The following CEP112 variants were observed in gnomAD, a reference collection of about 807,000 sequenced individuals.
The protein encoded by CEP112 is centrosomal protein 112.
CEP112 carries 127 observed loss-of-function variants against 153.0 expected under a neutral mutation model. The observed-to-expected ratio is 0.83, with a 90% CI of 0.72 to 0.96. The LOEUF is 0.96. CEP112 is among the 40% of genes least tolerant of loss of function. The pLI, the probability that CEP112 is intolerant of heterozygous loss-of-function variation, is 0.00. For missense variants in CEP112, 1,089 were observed against 1,101.2 expected (o/e 0.99, Z 0.16); for synonymous variants, 358 against 374.4 (o/e 0.96, Z 0.51).
chr17:65,970,717 G>A (rs942106117), intron 17 of CEP112, among the ~76,000 whole-genome samples: 3 of 89,158 alleles, frequency 3.4e-5, no homozygotes, highest in Admixed American at 1.5e-4. Context: ...CACATGACAT[G>A]TGCCTTTATC....
Position 66,079,892 on chromosome 17 carries a change from A to G in CEP112, c.769-9891T>C, listed in dbSNP as rs534989222. Among the ~76,000 whole-genome samples, 14 of 152,286 alleles carry G rather than the reference A, an allele frequency of 9.2e-5. No individual in the cohort carries two copies. The South Asian group carries it at 2.5e-3, about 27-fold the overall frequency. On this transcript the variant is annotated intron_variant, in intron 8 of 26. Coordinates refer to ENST00000535342, the MANE Select transcript of CEP112 (RefSeq NM_001199165.4). ...CATCTGATCTTTGACAAACCCGAAA[A>G]AAACAAACAATGGGGAAAGGATTCC...
chr17:65,976,745 T>TTC (rs2063050311), intron 17 of CEP112, among the ~76,000 whole-genome samples: 1 of 146,556 alleles, frequency 6.8e-6, no homozygotes, highest in Admixed American at 6.8e-5. Flanking sequence ...CTTTTTTTTT[T>TTC]TTTTTTTTTG....
At chr17:65,903,907 T>C (rs1213650672) in intron 19 of CEP112, among the ~76,000 whole-genome samples, 2 of 152,154 alleles carry the variant, frequency 1.3e-5, no homozygotes, top group Non-Finnish European at 2.9e-5. Flanking sequence ...TTGATAAAAT[T>C]CAACATCCCT....
intron 4 of CEP112, among the ~76,000 whole-genome samples, chr17:66,149,292 T>C (rs544308968): frequency 1.3e-5 from 2 of 152,332 alleles, no homozygotes; most frequent in East Asian, 1.9e-4. Flanking sequence ...GGCCTATAGT[T>C]TTCTTTCCTT....
chr17:66,044,783 T>C (rs2066132227), intron 12 of CEP112, among the ~76,000 whole-genome samples: 1 of 152,162 alleles, frequency 6.6e-6, no homozygotes, highest in Non-Finnish European at 1.5e-5. Flanking sequence ...GTAGTGATAG[T>C]TGCACTACAG....
intron 20 of CEP112, among the ~76,000 whole-genome samples, chr17:65,869,497 C>T (rs1269162921): frequency 6.6e-6 from 1 of 151,944 alleles, no homozygotes; most frequent in Non-Finnish European, 1.5e-5. Context: ...AAGTGTGGCA[C>T]CTTTGTTCAC....
chr17:65,688,512 C>T (rs2047929508), intron 24 of CEP112: 1 of 152,366 alleles, frequency 6.6e-6, no homozygotes, highest in African/African-American at 2.4e-5. Context: ...TTTCCTTACT[C>T]ATTAGGCCCT....
chr17:65,895,513 A>T (rs2143331538), intron 20 of CEP112, among the ~76,000 whole-genome samples: 1 of 152,240 alleles, frequency 6.6e-6, no homozygotes, highest in East Asian at 1.9e-4. Context: ...AAGAAATGCA[A>T]ACTGCTATGA....
intron 21 of CEP112, among the ~76,000 whole-genome samples, chr17:65,802,868 T>C (rs975494457): frequency 2.6e-5 from 4 of 152,200 alleles, no homozygotes; most frequent in African/African-American, 9.6e-5. Flanking sequence ...CTTTTCCCTA[T>C]ATAGTGTCGA....
chr17:65,880,183 T>C (rs2059010773), intron 20 of CEP112, among the ~76,000 whole-genome samples: 1 of 152,232 alleles, frequency 6.6e-6, no homozygotes, highest in Non-Finnish European at 1.5e-5. Flanking sequence ...TTATATCTAG[T>C]TATTTTGCCT....
intron 21 of CEP112, among the ~76,000 whole-genome samples, chr17:65,788,648 A>G (rs2145702962): frequency 6.6e-6 from 1 of 152,124 alleles, no homozygotes; most frequent in South Asian, 2.1e-4. Flanking sequence ...TCTTATCCAG[A>G]TTTTCAATTT....
intron 20 of CEP112, among the ~76,000 whole-genome samples, chr17:65,897,322 C>G (rs559252804): frequency 2.0e-5 from 3 of 152,164 alleles, no homozygotes; most frequent in South Asian, 2.1e-4. Context: ...TGATGAAATA[C>G]TATTTTGGTT....
intron 6 of CEP112, among the ~76,000 whole-genome samples, chr17:66,101,725 T>C (rs1413880608): frequency 1.3e-5 from 2 of 152,074 alleles, no homozygotes; most frequent in African/African-American, 4.8e-5. Flanking sequence ...TATTGATTAG[T>C]CCAGTTAAAT....
At chr17:66,043,777 T>C (rs1461693951) in intron 12 of CEP112, among the ~76,000 whole-genome samples, 1 of 152,192 alleles carries the variant, frequency 6.6e-6, no homozygotes, top group Non-Finnish European at 1.5e-5. Flanking sequence ...AATACCAAAA[T>C]GCGTAAGTCT....
At chr17:66,143,315 T>A (rs2070784620) in intron 4 of CEP112, among the ~76,000 whole-genome samples, 1 of 152,206 alleles carries the variant, frequency 6.6e-6, no homozygotes, top group African/African-American at 2.4e-5. Context: ...AAAGATCAAA[T>A]CCAAGGTTTT....
In CEP112 at chr17:65,689,186, A is replaced by AT; in HGVS notation, c.2639dup (p.Asn880LysfsTer29). The AT allele has an allele frequency of 6.2e-7, 1 of 1,613,586 alleles. No individual in the cohort carries two copies. The highest frequency in any genetic ancestry group is 8.5e-7 in the Non-Finnish European group (1 of 1,179,554). Reference sequence around the variant, plus strand: ...ATTTTTTCTCTGCACATCGCACCTGATTAGAACGGTTTTCTAATTCATCTT... The same window carrying AT: ...ATTTTTTCTCTGCACATCGCACCTGATTTAGAACGGTTTTCTAATTCATCTT... On this transcript the variant is annotated frameshift_variant, in exon 24 of 27. Transcript: ENST00000535342. LOFTEE classifies it high-confidence loss of function.
At chr17:65,881,958 T>C (rs1046555817) in intron 20 of CEP112, among the ~76,000 whole-genome samples, 1 of 152,128 alleles carries the variant, frequency 6.6e-6, no homozygotes, top group African/African-American at 2.4e-5. Flanking sequence ...TTGTGGTAGC[T>C]TTTAGCAAAG....
chr17:66,051,146 ATT>A (rs55855547), intron 12 of CEP112, among the ~76,000 whole-genome samples: 60,395 of 145,248 alleles, frequency 0.42, 13,804 homozygotes, highest in East Asian at 0.87. Context: ...GGCCTAGCTA[ATT>A]TTTTTTTTTT....
At chr17:65,749,871 A>ATAT (rs1567958543) in intron 22 of CEP112, among the ~76,000 whole-genome samples, 1 of 147,390 alleles carries the variant, frequency 6.8e-6, no homozygotes, top group African/African-American at 2.5e-5. Context: ...TATATATATA[A>ATAT]AAATATGAAG....
Sources: gnomAD v4.1 joint callset for allele counts (sites outside exome capture counted in the v4.1 genomes callset) on GRCh38, gnomAD v4.1.1 for gene constraint, MANE v1.5 for transcripts, NCBI Gene and HGNC (gene_info 2026-07-23, HGNC 2026-07-21) for gene names.